The following LRP1B variants were observed in gnomAD, a reference collection of about 807,000 sequenced individuals.
The protein encoded by LRP1B is LDL receptor related protein 1B.
LRP1B carries 217 observed loss-of-function variants against 556.6 expected under a neutral mutation model. That is an observed-to-expected ratio of 0.39 (90% confidence interval 0.35 to 0.44). The LOEUF is 0.44. Ranked by LOEUF, LRP1B falls within the 20% of genes least tolerant of loss-of-function variation. The probability of loss-of-function intolerance (pLI) is 1.00; values close to 1 mark genes in which losing one functional copy is unlikely to be tolerated. For synonymous variants in LRP1B, 2,047 were observed against 1,865.8 expected (o/e 1.10, Z -2.50); for missense variants, 5,053 against 5,620.8 (o/e 0.90, Z 3.23).
chr2:140,688,794 T>C (rs937292263), intron 41 of LRP1B, among the ~76,000 whole-genome samples: 4 of 152,226 alleles, frequency 2.6e-5, no homozygotes, highest in African/African-American at 7.2e-5. Context: ...ACTGGATAAT[T>C]ACAGACTTGT....
At chr2:140,737,798 T>C (rs886835148) in intron 35 of LRP1B, among the ~76,000 whole-genome samples, 1 of 152,174 alleles carries the variant, frequency 6.6e-6, no homozygotes, top group Non-Finnish European at 1.5e-5. Flanking sequence ...GTCTGGCCCC[T>C]GCAAAAACTA....
intron 9 of LRP1B, 88 bp from the exon 10 acceptor site, chr2:141,055,347 TA>T: frequency 2.8e-6 from 4 of 1,428,236 alleles, no homozygotes; most frequent in South Asian, 1.4e-5. Context: ...TTCTATAGTG[TA>T]AAAACAGGGA....
chr2:140,336,700 G>C (rs1251887765), intron 77 of LRP1B, among the ~76,000 whole-genome samples: 2 of 151,992 alleles, frequency 1.3e-5, no homozygotes, highest in South Asian at 4.2e-4. Flanking sequence ...ACATTTGATA[G>C]GTTGGATTAT....
At chr2:140,255,980 G>A (rs16843689) in intron 86 of LRP1B, among the ~76,000 whole-genome samples, 14,485 of 151,930 alleles carry the variant, frequency 0.095, 1,088 homozygotes, top group East Asian at 0.28. Flanking sequence ...GTACTTGGGC[G>A]TATGTAAATT....
chr2:141,770,798 A>G (rs1694876917), intron 2 of LRP1B, among the ~76,000 whole-genome samples: 1 of 152,158 alleles, frequency 6.6e-6, no homozygotes, highest in Non-Finnish European at 1.5e-5. Flanking sequence ...CCCTATTGAT[A>G]TGTATTCAAG....
At chr2:140,248,073 C>A (rs571511418) in intron 86 of LRP1B, among the ~76,000 whole-genome samples, 1 of 151,616 alleles carries the variant, frequency 6.6e-6, no homozygotes, top group African/African-American at 2.4e-5. Context: ...GAACTCTGGG[C>A]ATGGTGGGCC....
intron 7 of LRP1B, among the ~76,000 whole-genome samples, chr2:141,119,184 A>G (rs1394016205): frequency 1.3e-5 from 2 of 151,902 alleles, no homozygotes; most frequent in African/African-American, 4.8e-5. Flanking sequence ...AAAACCAGGA[A>G]ACATATTTGT....
intron 2 of LRP1B, among the ~76,000 whole-genome samples, chr2:141,603,793 A>C (rs1041983456): frequency 6.6e-6 from 1 of 152,180 alleles, no homozygotes; most frequent in Non-Finnish European, 1.5e-5. Context: ...TCTTCTCTCA[A>C]AACTCATCTA....
intron 1 of LRP1B, among the ~76,000 whole-genome samples, chr2:141,944,894 C>T (rs1480230000): frequency 6.6e-6 from 1 of 152,086 alleles, no homozygotes; most frequent in Non-Finnish European, 1.5e-5. Flanking sequence ...TCCCTATTTG[C>T]TTTAACTGGT....
At chr2:140,524,879 C>T (rs182432372) in intron 49 of LRP1B, among the ~76,000 whole-genome samples, 1 of 151,790 alleles carries the variant, frequency 6.6e-6, no homozygotes, top group East Asian at 1.9e-4. Flanking sequence ...AATACAAGCC[C>T]AAACCTCAGC....
intron 1 of LRP1B, among the ~76,000 whole-genome samples, chr2:142,081,680 T>TG (rs1197463091): frequency 2.6e-5 from 4 of 152,330 alleles, no homozygotes; most frequent in Admixed American, 2.6e-4. Flanking sequence ...GTTCTCGCTA[T>TG]GCTGTCCAGG....
intron 1 of LRP1B, among the ~76,000 whole-genome samples, chr2:141,955,141 C>T (rs1348367955): frequency 2.0e-5 from 3 of 152,006 alleles, no homozygotes; most frequent in Non-Finnish European, 2.9e-5. Flanking sequence ...TACAGGATGC[C>T]CAGTTAAATT....
At chr2:141,433,881 C>G (rs919679062) in intron 3 of LRP1B, among the ~76,000 whole-genome samples, 1 of 149,888 alleles carries the variant, frequency 6.7e-6, no homozygotes, top group African/African-American at 2.5e-5. Flanking sequence ...TCACCTTCTG[C>G]TATTCTCAGT....
chr2:141,076,476 G>T (rs1422197665), intron 7 of LRP1B, among the ~76,000 whole-genome samples: 3 of 152,166 alleles, frequency 2.0e-5, no homozygotes, highest in African/African-American at 4.8e-5. Context: ...CACCAGGGGA[G>T]CTTGCTGACA....
intron 1 of LRP1B, among the ~76,000 whole-genome samples, chr2:141,840,865 A>C (rs1280953132): frequency 1.3e-5 from 2 of 152,054 alleles, no homozygotes; most frequent in Non-Finnish European, 2.9e-5. Context: ...TCCTTTACAG[A>C]ATCATATTTC....
At chr2:141,100,863 T>C (rs1700443400) in intron 7 of LRP1B, among the ~76,000 whole-genome samples, 1 of 151,988 alleles carries the variant, frequency 6.6e-6, no homozygotes, top group South Asian at 2.1e-4. Context: ...CATGATATAG[T>C]ATGCCTGGAA....
intron 3 of LRP1B, among the ~76,000 whole-genome samples, chr2:141,337,005 TGTACAG>T (rs1452762070): frequency 2.0e-5 from 3 of 152,186 alleles, no homozygotes; most frequent in African/African-American, 7.2e-5. Context: ...TAAACATTCA[TGTACAG>T]GTTTCTGGGT....
intron 1 of LRP1B, among the ~76,000 whole-genome samples, chr2:141,980,846 C>G (rs1702024044): frequency 6.6e-6 from 1 of 152,000 alleles, no homozygotes; most frequent in African/African-American, 2.4e-5. Context: ...CAGCACAACT[C>G]AAGACTATGT....
At chr2:140,361,760 A>C (rs1299437559) in intron 72 of LRP1B, among the ~76,000 whole-genome samples, 1 of 151,360 alleles carries the variant, frequency 6.6e-6, no homozygotes, top group East Asian at 2.0e-4. Flanking sequence ...ACACAGCGTA[A>C]TCTTGAATAT....
Sources: gnomAD v4.1 joint callset for allele counts (sites outside exome capture counted in the v4.1 genomes callset) on GRCh38, gnomAD v4.1.1 for gene constraint, MANE v1.5 for transcripts, NCBI Gene and HGNC (gene_info 2026-07-23, HGNC 2026-07-21) for gene names.